The following LMBR1 variants were observed in gnomAD, a reference collection of about 807,000 sequenced individuals.
The protein encoded by LMBR1 is limb region 1 protein homolog.
A neutral mutation model predicts 73.9 loss-of-function variants in LMBR1; 52 were observed. The observed-to-expected ratio is 0.70, with a 90% CI of 0.56 to 0.89. LMBR1 has a LOEUF of 0.89. Ranked by LOEUF, LMBR1 falls within the 40% of genes least tolerant of loss-of-function variation. The probability of loss-of-function intolerance (pLI) is 0.00; values close to 1 mark genes in which losing one functional copy is unlikely to be tolerated. For synonymous variants in LMBR1, 215 were observed against 209.4 expected (o/e 1.03, Z -0.23); for missense variants, 539 against 579.8 (o/e 0.93, Z 0.72).
Position 156,837,170 on chromosome 7 carries a change from C to CA in LMBR1, c.67-286dup, listed in dbSNP as rs79674194. On this transcript the variant is annotated intron_variant, in intron 1 of 16. Transcript: ENST00000353442. ...GAAACCCTGTCTCTACTAAAAAATA[C>CA]AAAAAAAAAAAATATTAGCAGGGCA... Among the ~76,000 whole-genome samples, 50,033 of 143,248 alleles carry CA rather than the reference C, an allele frequency of 0.35. 8,601 individuals are homozygous for CA. Among genetic ancestry groups the CA allele is most frequent in the East Asian group, 0.57 (2,825 of 4,956 alleles). 94.0% of individuals were successfully genotyped at this position (143,248 alleles called of 152,430 possible).
intron 2 of LMBR1, among the ~76,000 whole-genome samples, chr7:156,835,177 C>T (rs1450458564): frequency 6.6e-6 from 1 of 151,948 alleles, no homozygotes; most frequent in Non-Finnish European, 1.5e-5. Flanking sequence ...ACCCTCCTGG[C>T]CCCTCCTTCT....
chr7:156,725,490 C>T lies in LMBR1; in HGVS notation c.1103G>A (p.Ser368Asn). The T allele has an allele frequency of 6.2e-7, 1 of 1,610,110 alleles. No homozygotes were observed. Among genetic ancestry groups the T allele is most frequent in the Non-Finnish European group, 8.5e-7 (1 of 1,177,702 alleles). Residue 368 changes from serine (S) to asparagine (N), a missense_variant, in exon 14 of 17, where the codon AGC becomes AAC. Physicochemically the swap from Ser to Asn is conservative, Grantham distance 46. This residue lies in a region of LMBR1 where 454 missense variants were observed against 473.4 expected (regional missense o/e 0.96). Transcript: ENST00000353442. ...LMVSSVVGFY[S>N]LRFFGNFTPK... is the part of the protein sequence containing the mutation. The stretch of plus-strand genomic sequence containing the variant: ...AGTAAAGTTTCCAAAAAATCGAAGG[C>T]TATAGAAGCCGACAACAGAGGACAC...
chr7:156,796,355 T>C (rs1489338905), intron 5 of LMBR1, 34 bp downstream of exon 5: 1 of 1,414,406 alleles, frequency 7.1e-7, no homozygotes, highest in East Asian at 2.4e-5. Flanking sequence ...ATTCCTCACT[T>C]AACCAATTTA....
chr7:156,718,176 A>C (rs1813639327), intron 15 of LMBR1, among the ~76,000 whole-genome samples: 1 of 150,868 alleles, frequency 6.6e-6, no homozygotes, highest in Non-Finnish European at 1.5e-5. Flanking sequence ...AAGGCGGGCA[A>C]ATCACTTGAG....
chr7:156,871,084 G>A (rs1799217203), intron 1 of LMBR1, among the ~76,000 whole-genome samples: 1 of 151,842 alleles, frequency 6.6e-6, no homozygotes, highest in South Asian at 2.1e-4. Flanking sequence ...AAAAAGAGAA[G>A]ACTCAAATAA....
At chr7:156,870,807 A>C (rs1334120601) in intron 1 of LMBR1, among the ~76,000 whole-genome samples, 1 of 151,856 alleles carries the variant, frequency 6.6e-6, no homozygotes, top group Non-Finnish European at 1.5e-5. Flanking sequence ...ATATACCAAA[A>C]CTTATGGGAT....
At chr7:156,805,696 TTGAATC>T (rs1441111113) in intron 4 of LMBR1, among the ~76,000 whole-genome samples, 2 of 152,234 alleles carry the variant, frequency 1.3e-5, no homozygotes, top group African/African-American at 4.8e-5. Context: ...AGGCATGGTG[TTGAATC>T]TCTATCAATT....
At position 156,824,095 on chromosome 7, in the gene LMBR1, AC is replaced by A. The variant is rs1464564824; in HGVS notation, c.319+2509del. ...ACAGAGAGAGACTCCATCTCAAAAAACAACAACAACAACAACAACAACAACA... is the reference window on the plus strand; with the variant it reads ...ACAGAGAGAGACTCCATCTCAAAAAAAACAACAACAACAACAACAACAACA... On this transcript the variant is annotated intron_variant, in intron 4 of 16. Coordinates refer to ENST00000353442, the MANE Select transcript of LMBR1 (RefSeq NM_022458.4). 1.7e-4 allele frequency among the ~76,000 whole-genome samples: 7 copies of A among 42,258 alleles called. No homozygotes were observed. In the East Asian group the frequency reaches 7.1e-3, roughly 43 times the overall value. 27.7% of individuals were successfully genotyped at this position (42,258 alleles called of 152,430 possible).
intron 15 of LMBR1, among the ~76,000 whole-genome samples, chr7:156,697,705 T>C (rs912753493): frequency 6.6e-6 from 1 of 152,250 alleles, no homozygotes; most frequent in Non-Finnish European, 1.5e-5. Flanking sequence ...TATGGTTGTC[T>C]TCCCTTGTTC....
chr7:156,715,470 T>C (rs1027855039), intron 15 of LMBR1, among the ~76,000 whole-genome samples: 1 of 152,240 alleles, frequency 6.6e-6, no homozygotes, highest in African/African-American at 2.4e-5. Context: ...TTACTCTTTT[T>C]TCTTTTTTAA....
chr7:156,698,378 A>G (rs2132019613), intron 15 of LMBR1, among the ~76,000 whole-genome samples: 1 of 151,838 alleles, frequency 6.6e-6, no homozygotes, highest in African/African-American at 2.4e-5. Flanking sequence ...CCCAGTAGGG[A>G]CTCCGTGTGG....
At chr7:156,840,391 A>G (rs920719862) in intron 1 of LMBR1, among the ~76,000 whole-genome samples, 10 of 152,166 alleles carry the variant, frequency 6.6e-5, no homozygotes, top group African/African-American at 2.4e-4. Context: ...CAAGACATGC[A>G]GAAATCTAGA....
chr7:156,717,235 G>A lies in LMBR1; in HGVS notation c.1225+6877C>T, dbSNP rs61495444. On this transcript the variant is annotated intron_variant, in intron 15 of 16. Transcript: ENST00000353442. ...CAGAAGGTGGAAGCATTTACCATAC[G>A]TCTCAAGTTTCTGGTTTGACCACTT... is the stretch of plus-strand genomic sequence containing the variant. Among the ~76,000 whole-genome samples, 76 of 152,326 alleles carry A rather than the reference G, an allele frequency of 5.0e-4. No homozygotes were observed. The East Asian group carries it at 0.014, about 27-fold the overall frequency.
chr7:156,851,058 T>C (rs767841819), intron 1 of LMBR1, among the ~76,000 whole-genome samples: 27 of 152,232 alleles, frequency 1.8e-4, no homozygotes, highest in Non-Finnish European at 3.5e-4. Flanking sequence ...CCTTCTGTCA[T>C]GATTGGAAGC....
chr7:156,841,946 A>G (rs1375607962), intron 1 of LMBR1, among the ~76,000 whole-genome samples: 1 of 140,456 alleles, frequency 7.1e-6, no homozygotes, highest in East Asian at 2.1e-4. Flanking sequence ...GCAAGAGAAA[A>G]AAGAAGCAAT....
chr7:156,716,380 C>T (rs1585341425), intron 15 of LMBR1, among the ~76,000 whole-genome samples: 1 of 152,150 alleles, frequency 6.6e-6, no homozygotes, highest in Non-Finnish European at 1.5e-5. Context: ...TCATTTTGTT[C>T]TAATCTGGAG....
chr7:156,802,704 G>C (rs1211004838), intron 4 of LMBR1, among the ~76,000 whole-genome samples: 1 of 152,074 alleles, frequency 6.6e-6, no homozygotes, highest in Non-Finnish European at 1.5e-5. Context: ...CCACAATTAA[G>C]CTAATGAACA....
chr7:156,796,452 T>C lies in LMBR1; in HGVS notation c.360A>G (p.Leu120=), dbSNP rs970056579. The change falls in exon 5 of 17, where the codon TTA becomes TTG. Residue 120 remains leucine, a synonymous_variant. Coordinates refer to ENST00000353442, the MANE Select transcript of LMBR1 (RefSeq NM_022458.4). The stretch of plus-strand genomic sequence containing the variant: ...AAAAGGCAAAGGGCATCAATACAAA[T>C]AAACAAAGGTTGGAAAAAAGGGAAG... ...NLASLFSNLC[L]FVLMPFAFFF... 6.2e-7 allele frequency: 1 copy of C among 1,606,940 alleles called. No homozygotes were observed. Among genetic ancestry groups the C allele is most frequent in the Non-Finnish European group, 8.5e-7 (1 of 1,177,392 alleles).
At chr7:156,868,809 T>C (rs1798850171) in intron 1 of LMBR1, among the ~76,000 whole-genome samples, 1 of 151,814 alleles carries the variant, frequency 6.6e-6, no homozygotes, top group Non-Finnish European at 1.5e-5. Flanking sequence ...CTACAAAAAA[T>C]ATAAAACTTA....
Sources: gnomAD v4.1 joint callset for allele counts (sites outside exome capture counted in the v4.1 genomes callset) on GRCh38, gnomAD v4.1.1 for gene constraint, gnomAD v4.1.1 regional missense constraint, MANE v1.5 for transcripts, NCBI Gene and HGNC (gene_info 2026-07-23, HGNC 2026-07-21) for gene names.